Variants in KLHDC4 observed in about 807,000 individuals in gnomAD.
The protein encoded by KLHDC4 is kelch domain containing 4, also known as kelch domain-containing protein 4.
KLHDC4 carries 90 observed loss-of-function variants against 62.4 expected under a neutral mutation model. The observed-to-expected ratio is 1.44, with a 90% CI of 1.22 to 1.72. The LOEUF is 1.72. KLHDC4 is among the 40% of genes most tolerant of loss of function. The pLI is 0.00. For synonymous variants in KLHDC4, 386 were observed against 284.4 expected (o/e 1.36, Z -3.59); for missense variants, 1,025 against 699.7 (o/e 1.47, Z -5.25).
intron 5 of KLHDC4, among the ~76,000 whole-genome samples, chr16:87,741,628 T>C (rs571431723): frequency 5.7e-5 from 8 of 141,562 alleles, no homozygotes; most frequent in East Asian, 4.1e-4. Context: ...GTGGGGACCA[T>C]TGCTATACAT....
At chr16:87,749,982 G>C (rs2043668091) in intron 4 of KLHDC4, among the ~76,000 whole-genome samples, 1 of 152,194 alleles carries the variant, frequency 6.6e-6, no homozygotes, top group Non-Finnish European at 1.5e-5. Context: ...AAGCACTCCG[G>C]CAGCAGGGGA....
intron 1 of KLHDC4, 146 bp from the exon 2 acceptor site, chr16:87,762,186 CAG>C (rs890934923): frequency 6.2e-6 from 9 of 1,446,996 alleles, no homozygotes; most frequent in South Asian, 4.4e-5. Context: ...GTTTGAAATG[CAG>C]AGTTTGACAC....
At chr16:87,756,777 C>A (rs1314080873) in intron 2 of KLHDC4, among the ~76,000 whole-genome samples, 3 of 150,746 alleles carry the variant, frequency 2.0e-5, no homozygotes, top group Non-Finnish European at 3.0e-5. Context: ...GATGCCCCTA[C>A]TGATGTATCA....
At chr16:87,752,173 G>C (rs1383769518) in intron 4 of KLHDC4, among the ~76,000 whole-genome samples, 1 of 148,214 alleles carries the variant, frequency 6.7e-6, no homozygotes, top group Non-Finnish European at 1.5e-5. Flanking sequence ...CAGGGAAGCA[G>C]AGGCAGGAGG....
intron 5 of KLHDC4, among the ~76,000 whole-genome samples, chr16:87,745,177 G>A (rs1015823635): frequency 2.0e-5 from 3 of 152,160 alleles, no homozygotes; most frequent in African/African-American, 4.8e-5. Flanking sequence ...AGCGGTGGGG[G>A]CATGTTCTCT....
rs373148566 is a variant in KLHDC4 at position 87,709,623 on chromosome 16, C to T, written c.1089G>A (p.Glu363=). The change falls in exon 10 of 12, where the codon GAG becomes GAA. Residue 363 remains glutamate, a synonymous_variant. Coordinates refer to ENST00000270583, the MANE Select transcript of KLHDC4 (RefSeq NM_017566.4). ...EKKKRRRGRK[E]EPEGGSRPAC... ...CCGGCCTGCTACCACCTTCGGGCTC[C>T]TCTTTTCTGCCCCGCCTGCGTTTCT... The T allele has an allele frequency of 7.3e-5, 118 of 1,608,888 alleles. No individual in the cohort carries two copies. The highest frequency in any genetic ancestry group is 1.7e-4 in the Middle Eastern group (1 of 6,052).
intron 2 of KLHDC4, among the ~76,000 whole-genome samples, chr16:87,759,891 C>T (rs376928554): frequency 2.6e-5 from 4 of 152,204 alleles, no homozygotes; most frequent in African/African-American, 4.8e-5. Flanking sequence ...CAGCCACCAG[C>T]GGCACCAGCC....
downstream of KLHDC4, among the ~76,000 whole-genome samples, chr16:87,703,640 G>T (rs1184892492): frequency 6.6e-6 from 1 of 152,178 alleles, no homozygotes; most frequent in Non-Finnish European, 1.5e-5. Flanking sequence ...GCCTCTAAAG[G>T]TGGGTCCCCT....
exon 1 of KLHDC4, chr16:87,701,658 T>A (rs770864132): frequency 2.2e-6 from 1 of 455,252 alleles, no homozygotes; most frequent in South Asian, 1.5e-5. Flanking sequence ...CTCGTCCGCC[T>A]CGTCCACTCC....
intron 7 of KLHDC4, among the ~76,000 whole-genome samples, chr16:87,721,613 G>A (rs577581018): frequency 6.6e-6 from 1 of 152,228 alleles, no homozygotes; most frequent in South Asian, 2.1e-4. Context: ...TGGCTCCGAG[G>A]TCAGCCGGGA....
chr16:87,747,405 T>C (rs1240659497), intron 5 of KLHDC4, among the ~76,000 whole-genome samples: 1 of 152,210 alleles, frequency 6.6e-6, no homozygotes, highest in Non-Finnish European at 1.5e-5. Flanking sequence ...GACAACTGTG[T>C]GCTGAGTGGA....
exon 1 of KLHDC4, chr16:87,698,373 T>C (rs1252058122): frequency 1.1e-5 from 1 of 88,756 alleles, no homozygotes; most frequent in Non-Finnish European, 2.0e-5. Flanking sequence ...TCCTGCTCTG[T>C]GCAGCTCTCA....
intron 3 of KLHDC4, chr16:87,755,985 T>C (rs66767559): frequency 0.3 from 50,544 of 166,446 alleles, 8,108 homozygotes; most frequent in East Asian, 0.42. Context: ...TCACACACAA[T>C]TGTGAAACAC....
chr16:87,723,811 G>C, intron 7 of KLHDC4, among the ~76,000 whole-genome samples: 1 of 152,198 alleles, frequency 6.6e-6, no homozygotes, highest in Non-Finnish European at 1.5e-5. Flanking sequence ...AGGTTCCTAA[G>C]GTATTCAATG....
At chr16:87,765,718 C>T in intron 1 of KLHDC4, 74 bp downstream of exon 1, 1 of 1,422,434 alleles carries the variant, frequency 7.0e-7, no homozygotes, top group Non-Finnish European at 9.5e-7. Context: ...CCCGTAACCC[C>T]GGGGGGCGCA....
intron 7 of KLHDC4, among the ~76,000 whole-genome samples, chr16:87,726,057 T>C (rs915097897): frequency 1.3e-5 from 2 of 152,044 alleles, no homozygotes; most frequent in African/African-American, 4.8e-5. Context: ...ATTAACACTA[T>C]CTCTATTTCT....
intron 5 of KLHDC4, among the ~76,000 whole-genome samples, chr16:87,738,293 C>A (rs951807997): frequency 6.6e-5 from 10 of 152,152 alleles, no homozygotes; most frequent in Non-Finnish European, 1.5e-4. Context: ...TAGCTGAGGA[C>A]CAAATGAGGA....
rs138763586 is a variant in KLHDC4, at chr16:87,709,642, C to T, written c.1070G>A (p.Arg357His). 1.0e-3 allele frequency: 1,656 copies of T among 1,604,446 alleles called. 2 individuals carry two copies. The highest frequency in any genetic ancestry group is 2.8e-3 in the African/African-American group (213 of 74,858). The stretch of plus-strand genomic sequence containing the variant: ...GGGCTCCTCTTTTCTGCCCCGCCTG[C>T]GTTTCTTCTTTTCAGACTTGGGTCC... ...LKGPKSEKKK[R>H]RRGRKEEPEG... The change falls in exon 10 of 12, where the codon CGC (arginine) becomes CAC (histidine). Residue 357 changes from arginine (R) to histidine (H), a missense_variant. Transcript: ENST00000270583.
At chr16:87,757,843 G>C (rs1420853201) in intron 2 of KLHDC4, among the ~76,000 whole-genome samples, 2 of 152,150 alleles carry the variant, frequency 1.3e-5, no homozygotes, top group Non-Finnish European at 2.9e-5. Flanking sequence ...AGTGAGCCAG[G>C]ATTGCATCAT....
Sources: gnomAD v4.1 joint callset for allele counts (sites outside exome capture counted in the v4.1 genomes callset) on GRCh38, gnomAD v4.1.1 for gene constraint, MANE v1.5 for transcripts, NCBI Gene and HGNC (gene_info 2026-07-23, HGNC 2026-07-21) for gene names.